CIBAR2: variants seen among roughly 807,000 people sequenced by gnomAD.
CIBAR2 encodes CBY1-interacting BAR domain-containing protein 2.
In CIBAR2, 38 loss-of-function variants were observed where a neutral mutation model predicts 36.2. The observed-to-expected ratio is 1.05, with a 90% confidence interval of 0.81 to 1.38. The LOEUF is 1.38. Ranked by LOEUF, CIBAR2 falls within the 40% of genes most tolerant of loss-of-function variation. The pLI, the probability that CIBAR2 is intolerant of heterozygous loss-of-function variation, is 0.00. For synonymous variants in CIBAR2, 182 were observed against 149.5 expected (o/e 1.22, Z -1.58); for missense variants, 481 against 383.4 (o/e 1.25, Z -2.13).
chr16:85,102,363 C>T (rs1567558240), intron 6 of CIBAR2, 36 bp from the exon 7 acceptor site: 1 of 1,324,558 alleles, frequency 7.5e-7, no homozygotes, highest in Non-Finnish European at 1.1e-6. Flanking sequence ...GTAAGCATCG[C>T]AGTGAGAAAG....
intron 6 of CIBAR2, among the ~76,000 whole-genome samples, chr16:85,104,243 G>A (rs757091107): frequency 6.6e-6 from 1 of 152,216 alleles, no homozygotes; most frequent in Non-Finnish European, 1.5e-5. Context: ...CAAAGGCCTC[G>A]GGTAGGAATG....
rs1029852185 is a variant in CIBAR2 at position 85,106,867 on chromosome 16, G to T, written c.432+800C>A. Among the ~76,000 whole-genome samples the T allele has an allele frequency of 1.1e-4, 16 of 152,330 alleles. 2 individuals carry two copies. The highest frequency in any genetic ancestry group is 7.2e-4 in the Admixed American group (11 of 15,300). ...ACCGCTGACTTAGCTCCATCAAGGGGCACTCTTTGTGGCTGGGCCTGTAAT... is the reference window on the plus strand; with the variant it reads ...ACCGCTGACTTAGCTCCATCAAGGGTCACTCTTTGTGGCTGGGCCTGTAAT... On this transcript the variant is annotated intron_variant, in intron 5 of 8. Transcript: ENST00000539556.
intron 2 of CIBAR2, among the ~76,000 whole-genome samples, chr16:85,109,073 C>T (rs1305090840): frequency 6.6e-6 from 1 of 151,936 alleles, no homozygotes; most frequent in Admixed American, 6.6e-5. Flanking sequence ...CTGCCACCTG[C>T]TTGTCACAGA....
In CIBAR2 at chr16:85,110,338, T is replaced by TGGTCCGCCTTGTCCCGCAGCC. The variant is rs1340029647; in HGVS notation, c.122_142dup (p.Arg41_Asp47dup). On this transcript the variant is annotated inframe_insertion, in exon 2 of 9. Transcript: ENST00000539556. ...AAAGTCGATGAGCTGCTTGACCAGC[T>TGGTCCGCCTTGTCCCGCAGCC]GGTCCGCCTTGTCCCGCAGCCGGGC... 6.2e-7 allele frequency: 1 copy of TGGTCCGCCTTGTCCCGCAGCC among 1,613,078 alleles called. No homozygotes were observed.
At chr16:85,112,204 G>T (rs1324900445) in intron 1 of CIBAR2, 129 bp downstream of exon 1, 2 of 756,776 alleles carry the variant, frequency 2.6e-6, no homozygotes, top group Admixed American at 4.0e-5. Flanking sequence ...CCGTGGGAGG[G>T]AGAGCTCCCC....
chr16:85,100,193 C>T lies in CIBAR2; in HGVS notation c.699G>A (p.Arg233=), dbSNP rs1208402447. Residue 233 remains arginine (R), a synonymous_variant, in exon 8 of 9, where the codon CGG becomes CGA. Coordinates refer to ENST00000539556, the MANE Select transcript of CIBAR2 (RefSeq NM_198491.3). The part of the protein sequence containing the change: ...MQGVYGHYDT[R]LLANTSPPPS... Reference sequence around the variant, plus strand: ...GAGGGGGGCTGGTGTTGGCAAGCAGCCGAGTGTCATAATGCCCATAAACTC... The same window carrying T: ...GAGGGGGGCTGGTGTTGGCAAGCAGTCGAGTGTCATAATGCCCATAAACTC... 1.9e-6 allele frequency: 3 copies of T among 1,611,768 alleles called. No homozygotes were observed. The highest frequency in any genetic ancestry group is 2.5e-6 in the Non-Finnish European group (3 of 1,179,292).
At chr16:85,106,805 G>A (rs948294696) in intron 5 of CIBAR2, among the ~76,000 whole-genome samples, 1 of 152,204 alleles carries the variant, frequency 6.6e-6, no homozygotes, top group Non-Finnish European at 1.5e-5. Flanking sequence ...TCCTGAGCCA[G>A]AAACATCGCC....
rs2073935489 is a variant in CIBAR2 at position 85,099,294 on chromosome 16, TG to T, written c.805del (p.His269MetfsTer41). On this transcript the variant is annotated frameshift_variant, in exon 9 of 9. Coordinates refer to ENST00000539556, the MANE Select transcript of CIBAR2 (RefSeq NM_198491.3). LOFTEE classifies it low-confidence loss of function (END_TRUNC). ...SRANEDPEHP[H>X]ANHGRFSLCE... ...GAGACTAAACCTGCCATGATTGGCATGAGGATGTTCAGGGTCTTCATTTGCC... is the reference window on the plus strand; with the variant it reads ...GAGACTAAACCTGCCATGATTGGCATAGGATGTTCAGGGTCTTCATTTGCC... 3 of 1,612,836 alleles carry T rather than the reference TG, an allele frequency of 1.9e-6. No homozygotes were observed. Among genetic ancestry groups the T allele is most frequent in the Non-Finnish European group, 2.5e-6 (3 of 1,178,866 alleles).
rs527884927 is a variant in CIBAR2 at position 85,105,209 on chromosome 16, T to C, written c.537+118A>G. ...ACTCACGCCTTCCAGTGCTCACACG[T>C]GTACACAGACCCATACACACTCATG... On this transcript the variant is annotated intron_variant, in intron 6 of 8. Coordinates refer to ENST00000539556, the MANE Select transcript of CIBAR2 (RefSeq NM_198491.3). 165 of 642,254 alleles carry C rather than the reference T, an allele frequency of 2.6e-4. 1 individual carries two copies. Among genetic ancestry groups the C allele is most frequent in the Middle Eastern group, 2.5e-3 (6 of 2,390 alleles). 39.8% of individuals were successfully genotyped at this position (642,254 alleles called of 1,614,324 possible).
chr16:85,099,937 C>G (rs2073941966), intron 8 of CIBAR2, among the ~76,000 whole-genome samples: 1 of 151,832 alleles, frequency 6.6e-6, no homozygotes, highest in African/African-American at 2.4e-5. Flanking sequence ...GCCACCGTGC[C>G]CAGCTTCATT....
At chr16:85,111,045 C>A (rs917960055) in intron 1 of CIBAR2, among the ~76,000 whole-genome samples, 1 of 152,098 alleles carries the variant, frequency 6.6e-6, no homozygotes, top group Non-Finnish European at 1.5e-5. Context: ...CGCCCCCCTG[C>A]AGCAGGTGCG....
chr16:85,110,524 A>G, intron 1 of CIBAR2, 64 bp from the exon 2 acceptor site: 1 of 1,229,856 alleles, frequency 8.1e-7, no homozygotes, highest in South Asian at 1.4e-5. Flanking sequence ...TCATGCCAAG[A>G]GCAGACAATA....
chr16:85,099,071 T>A lies in CIBAR2; in HGVS notation c.*114A>T. 7.9e-7 allele frequency: 1 copy of A among 1,261,336 alleles called. No homozygotes were observed. Among genetic ancestry groups the A allele is most frequent in the African/African-American group, 1.5e-5 (1 of 64,814 alleles). The allele number at this position is 1,261,336 out of a possible 1,614,324, so 78.1% of individuals were successfully genotyped here. ...ATTCAGAGCTTGAAGACAAGGTCTT[T>A]GAATTAACACAATCCAACAAAGACA... On this transcript the variant is annotated 3_prime_UTR_variant, in exon 9 of 9. Coordinates refer to ENST00000539556, the MANE Select transcript of CIBAR2 (RefSeq NM_198491.3).
intron 1 of CIBAR2, among the ~76,000 whole-genome samples, chr16:85,111,223 C>T (rs1342146315): frequency 6.6e-6 from 1 of 152,154 alleles, no homozygotes; most frequent in African/African-American, 2.4e-5. Context: ...ATCCCTGACT[C>T]GAGAAACGCC....
chr16:85,099,005 G>A lies in CIBAR2; in HGVS notation c.*180C>T. 1 of 665,170 alleles carries A rather than the reference G, an allele frequency of 1.5e-6. No individual in the cohort carries two copies. The allele number at this position is 665,170 out of a possible 1,614,324, so 41.2% of individuals were successfully genotyped here. ...CACTCACAGAAATGCAAAATGCTCT[G>A]GAAAGTCTCAGCAACAGAATTGAAC... On this transcript the variant is annotated 3_prime_UTR_variant, in exon 9 of 9. Coordinates refer to ENST00000539556, the MANE Select transcript of CIBAR2 (RefSeq NM_198491.3).
Position 85,107,520 on chromosome 16 carries a change from TTACTGG to T in CIBAR2, c.432+141_432+146del. On this transcript the variant is annotated intron_variant, in intron 5 of 8. Transcript: ENST00000539556. ...GTCTCCAGACCCCCAGAGCCCCTTT[TTACTGG>T]TACCTTTGGCTTTCCCAACCTGAGC... 3.6e-6 allele frequency: 3 copies of T among 825,334 alleles called. No homozygotes were observed. In the South Asian group the frequency reaches 4.4e-5, roughly 12 times the overall value. 51.1% of individuals were successfully genotyped at this position (825,334 alleles called of 1,614,324 possible). A position where few individuals can be genotyped will look rare whatever the true frequency, so the allele number is the denominator to read the frequency against.
intron 1 of CIBAR2, among the ~76,000 whole-genome samples, chr16:85,112,002 C>T (rs989078312): frequency 3.9e-5 from 6 of 152,112 alleles, no homozygotes; most frequent in Non-Finnish European, 5.9e-5. Context: ...TGGGTCCCCA[C>T]AGAAGGGGGA....
chr16:85,108,244 C>T (rs535441298), intron 2 of CIBAR2, 145 bp from the exon 3 acceptor site: 14 of 730,806 alleles, frequency 1.9e-5, no homozygotes, highest in South Asian at 1.2e-4. Context: ...TCCCTTTTCC[C>T]GGTGTGTTGG....
chr16:85,100,832 G>C (rs1025059798), intron 7 of CIBAR2, among the ~76,000 whole-genome samples: 2 of 152,180 alleles, frequency 1.3e-5, no homozygotes, highest in African/African-American at 4.8e-5. Flanking sequence ...CAGATCATGA[G>C]GTCAGGAGAT....
Sources: allele counts gnomAD v4.1 joint callset (sites outside exome capture counted in the v4.1 genomes callset), GRCh38; gene constraint gnomAD v4.1.1; transcripts MANE v1.5; gene names NCBI Gene and HGNC (gene_info 2026-07-23, HGNC 2026-07-21).